Variants in SATL1 observed in about 807,000 individuals in gnomAD.
SATL1 encodes the protein spermidine/spermine N1-acetyl transferase like 1.
In SATL1, 47 loss-of-function variants were observed where a neutral mutation model predicts 51.8. The ratio of observed to expected loss-of-function variants is 0.91; its 90% CI spans 0.72 to 1.16. The LOEUF is 1.16. Ranked by LOEUF, SATL1 falls within the 50% of genes most tolerant of loss-of-function variation. SATL1 has a pLI of 0.00. For missense variants in SATL1, 520 were observed against 526.4 expected, an observed-to-expected ratio of 0.99 and a Z score of 0.12; for synonymous variants, 176 against 182.4, an observed-to-expected ratio of 0.97 and a Z score of 0.28.
chrX:85,129,745 C>A (rs1569232832), intron 2 of SATL1, among the ~76,000 whole-genome samples: 1 of 111,416 alleles, frequency 9.0e-6, no homozygotes, highest in Non-Finnish European at 1.9e-5. Context: ...GGGAATGCTT[C>A]CAGTTTTTGC....
chrX:85,151,365 CAATATCATGAA>C (rs1031696549), intron 2 of SATL1, among the ~76,000 whole-genome samples: 21 of 111,320 alleles, frequency 1.9e-4, no homozygotes, highest in Non-Finnish European at 4.0e-4. Flanking sequence ...TAGGAAGAAT[CAATATCATGAA>C]AATGGCCATA....
intron 2 of SATL1, among the ~76,000 whole-genome samples, chrX:85,184,675 T>G (rs1007723772): frequency 1.6e-4 from 18 of 112,335 alleles, no homozygotes; most frequent in African/African-American, 4.8e-4. Context: ...TTGATTCTTT[T>G]AAATTATTTC....
intron 2 of SATL1, among the ~76,000 whole-genome samples, chrX:85,142,135 G>A (rs891952079): frequency 1.5e-4 from 16 of 107,563 alleles, no homozygotes; most frequent in Non-Finnish European, 9.6e-5. Context: ...GGTGGCTCAC[G>A]CCTGTAATCC....
chrX:85,123,544 C>T lies in SATL1; in HGVS notation c.-312-14264G>A, dbSNP rs1925552426. Among the ~76,000 whole-genome samples, 3 of 111,457 alleles carry T rather than the reference C, an allele frequency of 2.7e-5. No homozygotes were observed. The South Asian group carries it at 1.1e-3, about 41-fold the overall frequency. ...TTTTAGTTGTTAATTTGTTTAAGTT[C>T]CTTATGGATTCTGGATGTTAGACCT... On this transcript the variant is annotated intron_variant, in intron 2 of 7. Transcript: ENST00000644105.
At chrX:85,151,320 T>C (rs1926430180) in intron 2 of SATL1, among the ~76,000 whole-genome samples, 1 of 110,793 alleles carries the variant, frequency 9.0e-6, no homozygotes, top group South Asian at 3.9e-4. Context: ...TAAAAAAGGA[T>C]ACAAACAAAT....
chrX:85,115,121 G>C (rs1206932441), intron 2 of SATL1, among the ~76,000 whole-genome samples: 1 of 111,885 alleles, frequency 8.9e-6, no homozygotes, highest in Non-Finnish European at 1.9e-5. Context: ...GCCTTCAAAT[G>C]CTTGAAAAAA....
intron 2 of SATL1, among the ~76,000 whole-genome samples, chrX:85,163,728 T>A (rs943500644): frequency 9.0e-6 from 1 of 111,675 alleles, no homozygotes; most frequent in Non-Finnish European, 1.9e-5. Context: ...AGAATGCATA[T>A]TCTGCAGTTG....
intron 2 of SATL1, among the ~76,000 whole-genome samples, chrX:85,138,554 A>T (rs1339055585): frequency 8.9e-6 from 1 of 111,892 alleles, no homozygotes; most frequent in African/African-American, 3.2e-5. Flanking sequence ...GCTTATAGCA[A>T]TTTGTCAATC....
intron 2 of SATL1, among the ~76,000 whole-genome samples, chrX:85,129,857 GGTCT>G (rs1569232865): frequency 9.0e-6 from 1 of 111,385 alleles, no homozygotes; most frequent in Non-Finnish European, 1.9e-5. Flanking sequence ...TTAGCATGAA[GGTCT>G]GTTGAATTTT....
rs149087326 is a variant in SATL1 at position 85,201,927 on chromosome X, A to G, written c.-313+22278T>C. ...GTGAACAGTGCTGCAATGAACATTT[A>G]TGTACATGTGTCTTTATGGTAGAAT... is the stretch of plus-strand genomic sequence containing the variant. On this transcript the variant is annotated intron_variant, in intron 2 of 7. Transcript: ENST00000644105. 4.5e-5 allele frequency among the ~76,000 whole-genome samples: 5 copies of G among 112,209 alleles called. No individual in the cohort carries two copies. In the East Asian group the frequency reaches 1.4e-3, roughly 31 times the overall value.
chrX:85,179,414 A>T (rs1200256794), intron 2 of SATL1, among the ~76,000 whole-genome samples: 5 of 111,938 alleles, frequency 4.5e-5, no homozygotes, highest in African/African-American at 1.6e-4. Flanking sequence ...GTTAGAGTGT[A>T]CTAAGCTCCG....
At chrX:85,128,936 G>T (rs780638861) in intron 2 of SATL1, among the ~76,000 whole-genome samples, 8 of 111,519 alleles carry the variant, frequency 7.2e-5, no homozygotes, top group East Asian at 2.8e-4. Flanking sequence ...TTGTCAGGTT[G>T]GTCAAAGATC....
chrX:85,235,465 C>CAA (rs199810662), intron 1 of SATL1, among the ~76,000 whole-genome samples: 1 of 109,261 alleles, frequency 9.2e-6, no homozygotes, highest in East Asian at 2.8e-4. Flanking sequence ...TTAAGAAATT[C>CAA]AAAAAAAATT....
intron 2 of SATL1, among the ~76,000 whole-genome samples, chrX:85,215,316 T>G (rs1418930924): frequency 9.0e-6 from 1 of 111,364 alleles, no homozygotes. Flanking sequence ...ATTGGGCCTT[T>G]TACCCATAGT....
intron 2 of SATL1, among the ~76,000 whole-genome samples, chrX:85,149,285 C>A (rs1384236129): frequency 2.0e-4 from 22 of 111,340 alleles, no homozygotes; most frequent in Admixed American, 3.8e-4. Context: ...TATATATGCA[C>A]CCAATACAGG....
intron 2 of SATL1, among the ~76,000 whole-genome samples, chrX:85,130,286 T>G (rs779688526): frequency 2.7e-4 from 30 of 111,588 alleles, no homozygotes; most frequent in African/African-American, 8.5e-4. Flanking sequence ...TGGACTTTTT[T>G]TGGTTAATAG....
At chrX:85,200,032 G>C (rs927221666) in intron 2 of SATL1, among the ~76,000 whole-genome samples, 1 of 111,778 alleles carries the variant, frequency 8.9e-6, no homozygotes, top group African/African-American at 3.3e-5. Flanking sequence ...ATTATTACAC[G>C]TTGTATGCCT....
chrX:85,184,977 T>A (rs1417420285), intron 2 of SATL1, among the ~76,000 whole-genome samples: 3 of 111,860 alleles, frequency 2.7e-5, no homozygotes, highest in Non-Finnish European at 5.6e-5. Context: ...TTTGGCAAGA[T>A]TTTCCAGGTA....
chrX:85,151,169 A>C (rs889488987), intron 2 of SATL1, among the ~76,000 whole-genome samples: 4 of 109,659 alleles, frequency 3.6e-5, no homozygotes, highest in African/African-American at 1.3e-4. Flanking sequence ...TTATACACCA[A>C]TAACAGACAA....
Sources: gnomAD v4.1 joint callset for allele counts (sites outside exome capture counted in the v4.1 genomes callset) on GRCh38, gnomAD v4.1.1 for gene constraint, MANE v1.5 for transcripts, NCBI Gene and HGNC (gene_info 2026-07-23, HGNC 2026-07-21) for gene names.